Variants in GABRB2 observed in about 807,000 individuals in gnomAD.
GABRB2 encodes the protein gamma-aminobutyric acid receptor subunit beta-2.
A neutral mutation model predicts 54.7 loss-of-function variants in GABRB2; 16 were observed. That is an observed-to-expected ratio of 0.29 (90% confidence interval 0.20 to 0.44). GABRB2 has a LOEUF of 0.44. Among genes scored for constraint, GABRB2 ranks in the 20% least tolerant of loss-of-function variants. GABRB2 has a pLI of 1.00. For synonymous variants in GABRB2, 244 were observed against 233.8 expected (o/e 1.04, Z -0.40); for missense variants, 355 against 644.0 (o/e 0.55, Z 4.86).
intron 3 of GABRB2, among the ~76,000 whole-genome samples, chr5:161,511,925 G>T (rs1759782974): frequency 6.6e-6 from 1 of 151,934 alleles, no homozygotes; most frequent in Non-Finnish European, 1.5e-5. Flanking sequence ...TCATTCAGAG[G>T]AACTGGAAGT....
At chr5:161,443,081 G>A (rs1757513253) in intron 4 of GABRB2, among the ~76,000 whole-genome samples, 2 of 152,058 alleles carry the variant, frequency 1.3e-5, no homozygotes, top group African/African-American at 4.8e-5. Context: ...TAACTGGATA[G>A]CACCTAGAAT....
chr5:161,364,296 C>T (rs1187994633), intron 5 of GABRB2, among the ~76,000 whole-genome samples: 3 of 152,100 alleles, frequency 2.0e-5, no homozygotes, highest in African/African-American at 7.2e-5. Context: ...AAGATTTTTC[C>T]TCTAGTCTCC....
chr5:161,413,856 A>C (rs1248769910), intron 4 of GABRB2, among the ~76,000 whole-genome samples: 1 of 152,174 alleles, frequency 6.6e-6, no homozygotes, highest in African/African-American at 2.4e-5. Flanking sequence ...TTAATGAGTG[A>C]AGTTTGCAAT....
At chr5:161,473,346 G>A (rs1416111608) in intron 3 of GABRB2, among the ~76,000 whole-genome samples, 4 of 151,984 alleles carry the variant, frequency 2.6e-5, no homozygotes, top group Non-Finnish European at 5.9e-5. Context: ...TGCTGAAGTT[G>A]GGCAGTAGGC....
At chr5:161,402,806 C>T (rs776675527) in intron 5 of GABRB2, among the ~76,000 whole-genome samples, 15 of 152,120 alleles carry the variant, frequency 9.9e-5, no homozygotes, top group Admixed American at 2.0e-4. Flanking sequence ...TTTTAATAAG[C>T]CCTCCAGGAG....
chr5:161,485,257 T>A (rs1758883884), intron 3 of GABRB2, among the ~76,000 whole-genome samples: 2 of 151,940 alleles, frequency 1.3e-5, no homozygotes, highest in Admixed American at 6.6e-5. Flanking sequence ...GGAACAGTGT[T>A]TATAATAAGC....
intron 3 of GABRB2, among the ~76,000 whole-genome samples, chr5:161,470,213 G>A (rs897091420): frequency 1.3e-5 from 2 of 151,458 alleles, no homozygotes; most frequent in Admixed American, 6.6e-5. Context: ...CATGTTCTGT[G>A]GTAAGCCGAA....
chr5:161,323,123 C>T (rs1758261254), intron 9 of GABRB2, among the ~76,000 whole-genome samples: 1 of 150,942 alleles, frequency 6.6e-6, no homozygotes, highest in African/African-American at 2.4e-5. Flanking sequence ...CCCATGAGTT[C>T]AAGCATTCTC....
At chr5:161,530,972 C>G (rs1434711840) in intron 3 of GABRB2, among the ~76,000 whole-genome samples, 2 of 152,086 alleles carry the variant, frequency 1.3e-5, no homozygotes, top group Non-Finnish European at 2.9e-5. Flanking sequence ...AAGAACACTT[C>G]AAGAGATCTT....
chr5:161,424,537 TACTA>T (rs1183327238), intron 4 of GABRB2, among the ~76,000 whole-genome samples: 2 of 152,122 alleles, frequency 1.3e-5, no homozygotes. Context: ...CAGCATGATT[TACTA>T]ACTATTTTAA....
chr5:161,501,131 T>A (rs1759425871), intron 3 of GABRB2, among the ~76,000 whole-genome samples: 1 of 152,122 alleles, frequency 6.6e-6, no homozygotes, highest in Admixed American at 6.6e-5. Flanking sequence ...AGGTCCTGAA[T>A]AAGTGGCCCT....
intron 3 of GABRB2, among the ~76,000 whole-genome samples, chr5:161,506,833 T>G (rs1345391590): frequency 6.6e-6 from 1 of 152,010 alleles, no homozygotes; most frequent in Non-Finnish European, 1.5e-5. Context: ...AGCAATACAA[T>G]GAGAAAAGGT....
intron 3 of GABRB2, among the ~76,000 whole-genome samples, chr5:161,502,577 T>C (rs1446225717): frequency 2.0e-5 from 3 of 152,312 alleles, no homozygotes; most frequent in Non-Finnish European, 2.9e-5. Context: ...TATGAATCAA[T>C]TGTGTTTAAG....
chr5:161,544,395 G>C (rs1264479852), intron 3 of GABRB2, among the ~76,000 whole-genome samples: 1 of 152,102 alleles, frequency 6.6e-6, no homozygotes, highest in African/African-American at 2.4e-5. Flanking sequence ...CCAAGTATGT[G>C]GGGGCGTCTG....
chr5:161,361,605 G>T (rs1324192805), intron 5 of GABRB2, among the ~76,000 whole-genome samples: 3 of 152,160 alleles, frequency 2.0e-5, no homozygotes, highest in Non-Finnish European at 4.4e-5. Context: ...AAAGACAAGA[G>T]AATTTGAGTT....
rs1441695247 is a variant in GABRB2 at position 161,482,311 on chromosome 5, T to C, written c.238-22467A>G. ...GCTAAGTCTATCCAGCTATTGTTTC[T>C]GTTCTTTTTGGTTTCATGTAGTAGG... On this transcript the variant is annotated intron_variant, in intron 3 of 9. Transcript: ENST00000393959. Among the ~76,000 whole-genome samples, 3 of 152,084 alleles carry C rather than the reference T, an allele frequency of 2.0e-5. No homozygotes were observed. The South Asian group carries it at 6.2e-4, about 31-fold the overall frequency.
At chr5:161,466,717 G>A (rs1246891506) in intron 3 of GABRB2, among the ~76,000 whole-genome samples, 1 of 151,962 alleles carries the variant, frequency 6.6e-6, no homozygotes, top group Non-Finnish European at 1.5e-5. Context: ...GGTTGCATGT[G>A]AGTGGCCTCT....
chr5:161,463,564 T>TAGATATATATAG (rs1561659524), intron 3 of GABRB2, among the ~76,000 whole-genome samples: 1 of 87,508 alleles, frequency 1.1e-5, no homozygotes, highest in Non-Finnish European at 2.7e-5. Flanking sequence ...TTTATATATA[T>TAGATATATATAG]ATATATATAT....
intron 3 of GABRB2, among the ~76,000 whole-genome samples, chr5:161,494,728 G>A (rs1273405835): frequency 1.3e-5 from 2 of 151,790 alleles, no homozygotes; most frequent in African/African-American, 4.8e-5. Flanking sequence ...TCTCCAGGCA[G>A]CAAATAATGT....
Sources: allele counts gnomAD v4.1 joint callset (sites outside exome capture counted in the v4.1 genomes callset), GRCh38; gene constraint gnomAD v4.1.1; transcripts MANE v1.5; gene names NCBI Gene and HGNC (gene_info 2026-07-23, HGNC 2026-07-21).